Variants in PRKCZ observed in about 807,000 individuals in gnomAD.
PRKCZ encodes protein kinase C zeta, also known as protein kinase C zeta type.
Under a neutral mutation model 79.5 loss-of-function variants are expected in PRKCZ, and 33 were observed. That is an observed-to-expected ratio of 0.41 (90% CI 0.31 to 0.55). The LOEUF (loss-of-function observed/expected upper bound fraction) is 0.55. Among genes scored for constraint, PRKCZ ranks in the 20% least tolerant of loss-of-function variants. PRKCZ has a pLI of 0.19. For synonymous variants in PRKCZ, 342 were observed against 320.9 expected, an observed-to-expected ratio of 1.07 and a Z score of -0.70; for missense variants, 578 against 813.5, an observed-to-expected ratio of 0.71 and a Z score of 3.52.
In PRKCZ at chr1:2,144,234, G is replaced by T; in HGVS notation, c.445G>T (p.Glu149Ter). The change falls in exon 6 of 18, where the codon GAG becomes TAG. Residue 149 changes from glutamate to a stop codon, truncating the protein, a stop_gained. Transcript: ENST00000378567. LOFTEE classifies it high-confidence loss of function. ...GAGAGCGTACTGCGGTCAGTGCAGC[G>T]AGAGGATATGGGGCCTCGCGAGGCA... ...NRRAYCGQCS[E>*]RIWGLARQGY... The T allele has an allele frequency of 6.4e-7, 1 of 1,553,074 alleles. No individual in the cohort carries two copies. Among genetic ancestry groups the T allele is most frequent in the Non-Finnish European group, 8.7e-7 (1 of 1,147,532 alleles).
At chr1:2,162,542 A>T (rs748402013) in intron 10 of PRKCZ, among the ~76,000 whole-genome samples, 1 of 152,190 alleles carries the variant, frequency 6.6e-6, no homozygotes, top group East Asian at 1.9e-4. Context: ...TTACCTTTTC[A>T]TTCACTCACA....
chr1:2,141,389 A>G (rs965104042), intron 5 of PRKCZ: 17 of 140,742 alleles, frequency 1.2e-4, no homozygotes, highest in African/African-American at 4.6e-4. Context: ...TCTGTTGCCC[A>G]GGCTGGAGTG....
At chr1:2,059,623 C>T in intron 4 of PRKCZ, 32 bp downstream of exon 4, 3 of 1,612,658 alleles carry the variant, frequency 1.9e-6, no homozygotes, top group Non-Finnish European at 2.5e-6. Flanking sequence ...GCCGGTCTCG[C>T]ATGTTACGGG....
chr1:2,069,058 G>C (rs2102291252), intron 4 of PRKCZ, among the ~76,000 whole-genome samples: 1 of 152,266 alleles, frequency 6.6e-6, no homozygotes, highest in East Asian at 1.9e-4. Flanking sequence ...GGTTCCTGCT[G>C]GTCACCACCC....
intron 4 of PRKCZ, among the ~76,000 whole-genome samples, chr1:2,092,464 C>G (rs1018959156): frequency 1.3e-5 from 2 of 152,248 alleles, no homozygotes; most frequent in Non-Finnish European, 2.9e-5. Flanking sequence ...GCGCCCTCCC[C>G]CTTTTTCAGA....
At position 2,175,227 on chromosome 1, in the gene PRKCZ, C is replaced by T. The variant is rs1275182382; in HGVS notation, c.1489C>T (p.Pro497Ser). The T allele has an allele frequency of 6.2e-7, 1 of 1,613,630 alleles. No homozygotes were observed. Among genetic ancestry groups the T allele is most frequent in the Non-Finnish European group, 8.5e-7 (1 of 1,179,800 alleles). Reference sequence around the variant, plus strand: ...TTGTTTGAACTCTGACCTCCAGGACCCCAAAGAGAGGCTCGGCTGCCGGCC... The same window carrying T: ...TTGTTTGAACTCTGACCTCCAGGACTCCAAAGAGAGGCTCGGCTGCCGGCC... Reference protein sequence around the residue: ...HVLKGFLNKDPKERLGCRPQT... With the variant: ...HVLKGFLNKDSKERLGCRPQT... The change falls in exon 16 of 18, where the codon CCC (proline) becomes TCC (serine). Residue 497 changes from proline to serine, a missense_variant. Pro to Ser is a moderately conservative substitution (Grantham distance 74). Coordinates refer to ENST00000378567, the MANE Select transcript of PRKCZ (RefSeq NM_002744.6).
intron 5 of PRKCZ, chr1:2,143,989 C>T: frequency 1.8e-6 from 1 of 568,486 alleles, no homozygotes; most frequent in Non-Finnish European, 3.0e-6. Flanking sequence ...GGGTTCCAGG[C>T]CTCTCCTTGG....
Position 2,080,893 on chromosome 1 carries a change from C to T in PRKCZ, c.334+21302C>T, listed in dbSNP as rs189476147. 3.7e-3 allele frequency among the ~76,000 whole-genome samples: 564 copies of T among 152,300 alleles called. 5 individuals are homozygous for T. Among genetic ancestry groups the T allele is most frequent in the African/African-American group, 0.013 (541 of 41,552 alleles). On this transcript the variant is annotated intron_variant, in intron 4 of 17. Transcript: ENST00000378567. ...TCAGGTGTTTTGTGGGACAGCCCTT[C>T]GCTGGGGTTTGCCTCATGTTTTTCT...
At chr1:2,117,908 C>A (rs750610014) in intron 4 of PRKCZ, among the ~76,000 whole-genome samples, 1 of 150,288 alleles carries the variant, frequency 6.7e-6, no homozygotes, top group Non-Finnish European at 1.5e-5. Context: ...GTGATGAGTT[C>A]GCCTTTTTAT....
intron 4 of PRKCZ, among the ~76,000 whole-genome samples, chr1:2,060,303 C>T (rs992085232): frequency 6.6e-6 from 1 of 152,236 alleles, no homozygotes; most frequent in African/African-American, 2.4e-5. Flanking sequence ...GCTTCCCCCA[C>T]CCCTGCTGCC....
chr1:2,163,136 G>T (rs570187651), intron 10 of PRKCZ, among the ~76,000 whole-genome samples: 1 of 152,342 alleles, frequency 6.6e-6, no homozygotes, highest in Non-Finnish European at 1.5e-5. Flanking sequence ...ACACTGGACG[G>T]CCCTGTCCTA....
At chr1:2,160,460 A>G (rs962808968) in intron 10 of PRKCZ, among the ~76,000 whole-genome samples, 13 of 152,106 alleles carry the variant, frequency 8.5e-5, no homozygotes, top group Non-Finnish European at 2.9e-5. Context: ...GGAGGGGCTC[A>G]TGGGGGACAG....
intron 4 of PRKCZ, among the ~76,000 whole-genome samples, chr1:2,103,488 A>G (rs2139062): frequency 0.13 from 20,317 of 152,206 alleles, 4,286 homozygotes; most frequent in African/African-American, 0.45. Flanking sequence ...GGTGCTCCGC[A>G]GGGAAAGCTG....
chr1:2,067,967 C>T (rs1661257816), intron 4 of PRKCZ, among the ~76,000 whole-genome samples: 1 of 152,222 alleles, frequency 6.6e-6, no homozygotes, highest in East Asian at 1.9e-4. Context: ...TGGGACGGGG[C>T]CCTTCTCTTG....
At position 2,050,447 on chromosome 1, in the gene PRKCZ, C is replaced by T. The variant is rs192386882; in HGVS notation, c.-184C>T. 2.9e-5 allele frequency: 6 copies of T among 209,322 alleles called. No homozygotes were observed. Among genetic ancestry groups the T allele is most frequent in the Non-Finnish European group, 5.5e-5 (6 of 108,360 alleles). The allele number at this position is 209,322 out of a possible 1,614,324, so 13.0% of individuals were successfully genotyped here. The stretch of plus-strand genomic sequence containing the variant: ...GCCCCCCGCCCCCGCCGGACGGTCC[C>T]GCCCCGCGCGCCCCCCGCTCCCGCC... On this transcript the variant is annotated 5_prime_UTR_variant, in exon 1 of 18. Transcript: ENST00000378567.
At chr1:2,161,234 G>A (rs562946596) in intron 10 of PRKCZ, among the ~76,000 whole-genome samples, 4 of 152,228 alleles carry the variant, frequency 2.6e-5, no homozygotes, top group Middle Eastern at 3.2e-3. Flanking sequence ...ACTTTTCATC[G>A]GGGTTGCCTA....
At chr1:2,109,415 G>A (rs1669262830) in intron 4 of PRKCZ, among the ~76,000 whole-genome samples, 1 of 152,228 alleles carries the variant, frequency 6.6e-6, no homozygotes, top group Non-Finnish European at 1.5e-5. Flanking sequence ...TTTCTCATCT[G>A]TAAAGTGGTG....
At position 2,175,242 on chromosome 1, in the gene PRKCZ, G is replaced by A; in HGVS notation, c.1504G>A (p.Gly502Ser). The A allele has an allele frequency of 6.2e-7, 1 of 1,612,274 alleles. No individual in the cohort carries two copies. The highest frequency in any genetic ancestry group is 8.5e-7 in the Non-Finnish European group (1 of 1,179,680). ...FLNKDPKERL[G>S]CRPQTGFSDI... is the part of the protein sequence containing the mutation. Reference sequence around the variant, plus strand: ...CCTCCAGGACCCCAAAGAGAGGCTCGGCTGCCGGCCACAGACTGGATTTTC... The same window carrying A: ...CCTCCAGGACCCCAAAGAGAGGCTCAGCTGCCGGCCACAGACTGGATTTTC... Residue 502 changes from glycine (G) to serine (S), a missense_variant, in exon 16 of 18, where the codon GGC (glycine) becomes AGC (serine). This residue lies in a region of PRKCZ where 243 missense variants were observed against 467.0 expected (regional missense o/e 0.52). Coordinates refer to ENST00000378567, the MANE Select transcript of PRKCZ (RefSeq NM_002744.6).
intron 4 of PRKCZ, among the ~76,000 whole-genome samples, chr1:2,077,093 C>CAG (rs1194728711): frequency 6.6e-6 from 1 of 152,208 alleles, no homozygotes; most frequent in Non-Finnish European, 1.5e-5. Flanking sequence ...TTGACACGAA[C>CAG]AGATCCCTGC....
Sources: allele counts gnomAD v4.1 joint callset (sites outside exome capture counted in the v4.1 genomes callset), GRCh38; gene constraint gnomAD v4.1.1; regional missense constraint gnomAD v4.1.1; transcripts MANE v1.5; gene names NCBI Gene and HGNC (gene_info 2026-07-23, HGNC 2026-07-21).